Variants in ASCC3 observed in about 807,000 individuals in gnomAD.
ASCC3 encodes activating signal cointegrator 1 complex subunit 3, also known as ASC-1 complex subunit P200.
A neutral mutation model predicts 256.3 loss-of-function variants in ASCC3; 158 were observed. That is an observed-to-expected ratio of 0.62 (90% CI 0.54 to 0.70). The LOEUF (loss-of-function observed/expected upper bound fraction) is 0.70. Ranked by LOEUF, ASCC3 falls within the 30% of genes least tolerant of loss-of-function variation. The pLI, the probability that ASCC3 is intolerant of heterozygous loss-of-function variation, is 0.00. For synonymous variants in ASCC3, 948 were observed against 883.4 expected, an observed-to-expected ratio of 1.07 and a Z score of -1.30; for missense variants, 2,259 against 2,626.0, an observed-to-expected ratio of 0.86 and a Z score of 3.05.
intron 17 of ASCC3, among the ~76,000 whole-genome samples, chr6:100,653,411 G>A (rs1290152888): frequency 1.3e-5 from 2 of 151,998 alleles, no homozygotes; most frequent in African/African-American, 2.4e-5. Context: ...AGGCCAAGGT[G>A]GGCGGCTCAC....
In ASCC3 at chr6:100,525,156, C is replaced by CAAAAAAAAAAAAAAAA. The variant is rs57882047; in HGVS notation, c.5776-7030_5776-7015dup. 2.0e-4 allele frequency among the ~76,000 whole-genome samples: 9 copies of CAAAAAAAAAAAAAAAA among 44,952 alleles called. 1 individual carries two copies. The highest frequency in any genetic ancestry group is 6.5e-4 in the East Asian group (1 of 1,536). 29.5% of individuals were successfully genotyped at this position (44,952 alleles called of 152,430 possible). On this transcript the variant is annotated intron_variant, in intron 37 of 41. Transcript: ENST00000369162. Reference sequence around the variant, plus strand: ...TGGGTGACAGAGTGAGACCCTGTCTCAAAAAAAAAAAAAAAAAAAAAAAAA... The same window carrying CAAAAAAAAAAAAAAAA: ...TGGGTGACAGAGTGAGACCCTGTCTCAAAAAAAAAAAAAAAAAAAAAAAAAAAAAAAAAAAAAAAAA...
At chr6:100,616,573 C>T (rs1436580395) in intron 30 of ASCC3, among the ~76,000 whole-genome samples, 3 of 152,162 alleles carry the variant, frequency 2.0e-5, no homozygotes, top group Admixed American at 6.5e-5. Flanking sequence ...CTTCTAATTT[C>T]GTATTACCTC....
chr6:100,657,369 G>C (rs992185053), intron 16 of ASCC3, among the ~76,000 whole-genome samples: 2 of 151,386 alleles, frequency 1.3e-5, no homozygotes, highest in Non-Finnish European at 3.0e-5. Context: ...AACAATTCAT[G>C]AAGATTTACA....
intron 36 of ASCC3, among the ~76,000 whole-genome samples, chr6:100,578,025 T>A (rs1317996901): frequency 6.6e-6 from 1 of 152,042 alleles, no homozygotes; most frequent in Non-Finnish European, 1.5e-5. Context: ...AGCTCTATAC[T>A]ATTTGGAAGA....
chr6:100,650,293 A>C (rs1775596462), intron 20 of ASCC3, among the ~76,000 whole-genome samples: 1 of 151,728 alleles, frequency 6.6e-6, no homozygotes, highest in Non-Finnish European at 1.5e-5. Flanking sequence ...TATCATTTTA[A>C]AACTTTGTAA....
chr6:100,624,223 T>C (rs1381100947), intron 30 of ASCC3, among the ~76,000 whole-genome samples: 3 of 151,710 alleles, frequency 2.0e-5, no homozygotes, highest in East Asian at 1.9e-4. Flanking sequence ...AATACACATA[T>C]ATGAAGAAAA....
intron 3 of ASCC3, chr6:100,858,642 C>A (rs1773075337): frequency 1.0e-6 from 1 of 992,376 alleles, no homozygotes; most frequent in Non-Finnish European, 1.2e-6. Context: ...ATTATAAACA[C>A]TTGATCACAC....
chr6:100,639,284 A>G (rs1190395026), intron 24 of ASCC3, among the ~76,000 whole-genome samples: 1 of 152,218 alleles, frequency 6.6e-6, no homozygotes, highest in African/African-American at 2.4e-5. Context: ...AGTAAAATGA[A>G]TTTAGGGTAA....
At chr6:100,607,210 C>A in intron 30 of ASCC3, 122 bp from the exon 31 acceptor site, 2 of 1,008,060 alleles carry the variant, frequency 2.0e-6, no homozygotes, top group Non-Finnish European at 3.0e-6. Context: ...AAATATAAGT[C>A]CTATATACAG....
intron 36 of ASCC3, among the ~76,000 whole-genome samples, chr6:100,581,903 G>T (rs1411409111): frequency 1.3e-5 from 2 of 151,512 alleles, no homozygotes; most frequent in Admixed American, 1.3e-4. Context: ...TAGATATGCG[G>T]TGTTATTTCT....
At chr6:100,534,620 A>G (rs1470301207) in intron 37 of ASCC3, among the ~76,000 whole-genome samples, 1 of 152,252 alleles carries the variant, frequency 6.6e-6, no homozygotes, top group African/African-American at 2.4e-5. Flanking sequence ...TGAGATATGC[A>G]TAGTAATTTT....
At chr6:100,550,259 A>G (rs1769223324) in intron 36 of ASCC3, among the ~76,000 whole-genome samples, 1 of 151,792 alleles carries the variant, frequency 6.6e-6, no homozygotes, top group Admixed American at 6.6e-5. Flanking sequence ...TTCAATAGCT[A>G]TTTTAGTACT....
intron 36 of ASCC3, among the ~76,000 whole-genome samples, chr6:100,584,318 A>G (rs1269833014): frequency 6.6e-6 from 1 of 151,522 alleles, no homozygotes; most frequent in Non-Finnish European, 1.5e-5. Context: ...TTCTTGTTGA[A>G]TTGATCCCTT....
At chr6:100,784,370 AC>A (rs1223554075) in intron 8 of ASCC3, among the ~76,000 whole-genome samples, 1 of 152,140 alleles carries the variant, frequency 6.6e-6, no homozygotes, top group Non-Finnish European at 1.5e-5. Context: ...ACATCATTTA[AC>A]CTAACTCCTA....
At position 100,605,508 on chromosome 6, in the gene ASCC3, C is replaced by T; in HGVS notation, c.5177+60G>A. On this transcript the variant is annotated intron_variant, in intron 33 of 41. Coordinates refer to ENST00000369162, the MANE Select transcript of ASCC3 (RefSeq NM_006828.4). ...TGATTTTTATATAATAAAATATAAC[C>T]AGAAAAACACCAACTTGTGATTAAA... 5.5e-6 allele frequency: 7 copies of T among 1,273,638 alleles called. No homozygotes were observed. The South Asian group carries it at 6.6e-5, about 12-fold the overall frequency. 78.9% of individuals were successfully genotyped at this position (1,273,638 alleles called of 1,614,324 possible).
chr6:100,771,959 A>T (rs1350268637), intron 8 of ASCC3, among the ~76,000 whole-genome samples: 2 of 140,020 alleles, frequency 1.4e-5, no homozygotes, highest in African/African-American at 5.5e-5. Context: ...GGCTCATTGC[A>T]AGCTCTGCCT....
intron 10 of ASCC3, among the ~76,000 whole-genome samples, chr6:100,736,329 C>T (rs904161147): frequency 2.0e-5 from 3 of 151,910 alleles, no homozygotes; most frequent in African/African-American, 7.3e-5. Flanking sequence ...ATGGTGAAAC[C>T]CCATCTCTAC....
chr6:100,774,912 T>C lies in ASCC3; in HGVS notation c.1396-7567A>G, dbSNP rs149806620. Among the ~76,000 whole-genome samples, 793 of 152,212 alleles carry C rather than the reference T, an allele frequency of 5.2e-3. 8 individuals carry two copies. Among genetic ancestry groups the C allele is most frequent in the African/African-American group, 0.018 (763 of 41,512 alleles). On this transcript the variant is annotated intron_variant, in intron 8 of 41. Coordinates refer to ENST00000369162, the MANE Select transcript of ASCC3 (RefSeq NM_006828.4). ...GCTAAGGTATGTGAGGGAGAGACAG[T>C]CACTAAGCATGCCATATTAGGTACA...
At chr6:100,526,337 C>T (rs1375273965) in intron 37 of ASCC3, among the ~76,000 whole-genome samples, 1 of 152,174 alleles carries the variant, frequency 6.6e-6, no homozygotes, top group Non-Finnish European at 1.5e-5. Flanking sequence ...TCATTTCCTA[C>T]AGCCCCAACC....
Sources: allele counts gnomAD v4.1 joint callset (sites outside exome capture counted in the v4.1 genomes callset), GRCh38; gene constraint gnomAD v4.1.1; transcripts MANE v1.5; gene names NCBI Gene and HGNC (gene_info 2026-07-23, HGNC 2026-07-21).